Variants in FBXW7 observed in about 807,000 individuals in gnomAD.
FBXW7 encodes the protein F-box and WD repeat domain containing 7.
Under a neutral mutation model 86.3 loss-of-function variants are expected in FBXW7, and 11 were observed. That is an observed-to-expected ratio of 0.13 (90% CI 0.08 to 0.21). FBXW7 has a LOEUF of 0.21. Ranked by LOEUF, FBXW7 falls within the 10% of genes least tolerant of loss-of-function variation. FBXW7 has a pLI of 1.00. For missense variants in FBXW7, 488 were observed against 847.4 expected (o/e 0.58, Z 5.27); for synonymous variants, 313 against 297.9 (o/e 1.05, Z -0.52).
chr4:152,405,095 TAAAAAAAAAAA>T (rs11394424), intron 4 of FBXW7, among the ~76,000 whole-genome samples: 4 of 79,052 alleles, frequency 5.1e-5, no homozygotes, highest in Admixed American at 1.7e-4. Context: ...GACCTTGTCT[TAAAAAAAAAAA>T]AAAAAAAAAA....
At chr4:152,416,428 A>G (rs1240952823) in intron 2 of FBXW7, among the ~76,000 whole-genome samples, 1 of 152,192 alleles carries the variant, frequency 6.6e-6, no homozygotes, top group Admixed American at 6.6e-5. Flanking sequence ...TTCCCTCTGT[A>G]TCAAATTTCT....
chr4:152,429,023 C>T (rs1261519556), intron 2 of FBXW7, among the ~76,000 whole-genome samples: 1 of 152,072 alleles, frequency 6.6e-6, no homozygotes, highest in Non-Finnish European at 1.5e-5. Context: ...AACTCCGTCT[C>T]TACTAAAAAT....
At position 152,407,702 on chromosome 4, in the gene FBXW7, A is replaced by C. The variant is rs1455662086; in HGVS notation, c.501+3601T>G. Among the ~76,000 whole-genome samples the C allele has an allele frequency of 2.6e-5, 4 of 152,254 alleles. No homozygotes were observed. In the East Asian group the frequency reaches 7.7e-4, roughly 29 times the overall value. The stretch of plus-strand genomic sequence containing the variant: ...GTCTTACGCCTCTAAACTCCAATAC[A>C]CTAGATGCTTCTCCACACCTCCCCC... On this transcript the variant is annotated intron_variant, in intron 4 of 13. Transcript: ENST00000281708.
chr4:152,339,968 A>C (rs1382984779), intron 6 of FBXW7, among the ~76,000 whole-genome samples: 2 of 149,238 alleles, frequency 1.3e-5, no homozygotes, highest in Non-Finnish European at 3.0e-5. Context: ...CATATCTTTT[A>C]TCAAGGCTTT....
intron 4 of FBXW7, 142 bp downstream of exon 4, chr4:152,411,161 G>C: frequency 8.2e-7 from 1 of 1,220,838 alleles, no homozygotes; most frequent in South Asian, 2.2e-5. Flanking sequence ...ATTACCTTCT[G>C]TAAGACAAAA....
At chr4:152,482,032 C>G (rs1579317014) in intron 2 of FBXW7, among the ~76,000 whole-genome samples, 1 of 152,260 alleles carries the variant, frequency 6.6e-6, no homozygotes, top group East Asian at 1.9e-4. Flanking sequence ...TAAACAACAT[C>G]ACATTCTACA....
rs867786385 is a variant in FBXW7 at position 152,392,766 on chromosome 4, A to G, written c.501+18537T>C. Reference sequence around the variant, plus strand: ...TAATTTTACAATGTAACAGGAATGGAAAGGACAACAGGTGATTCAAAATGA... The same window carrying G: ...TAATTTTACAATGTAACAGGAATGGGAAGGACAACAGGTGATTCAAAATGA... On this transcript the variant is annotated intron_variant, in intron 4 of 13. Transcript: ENST00000281708. 2.0e-5 allele frequency among the ~76,000 whole-genome samples: 3 copies of G among 152,192 alleles called. No individual in the cohort carries two copies. In the South Asian group the frequency reaches 6.2e-4, roughly 32 times the overall value.
At chr4:152,340,492 T>C (rs1325227098) in intron 6 of FBXW7, among the ~76,000 whole-genome samples, 1 of 141,446 alleles carries the variant, frequency 7.1e-6, no homozygotes, top group African/African-American at 2.7e-5. Flanking sequence ...TGTAGGAGAA[T>C]GGCGTGAACC....
At chr4:152,419,304 A>C (rs1738728046) in intron 2 of FBXW7, among the ~76,000 whole-genome samples, 1 of 152,154 alleles carries the variant, frequency 6.6e-6, no homozygotes, top group Non-Finnish European at 1.5e-5. Flanking sequence ...AGTTTATAAA[A>C]TTTATAAAAA....
intron 2 of FBXW7, among the ~76,000 whole-genome samples, chr4:152,524,829 A>C (rs1749357239): frequency 6.6e-6 from 1 of 152,154 alleles, no homozygotes; most frequent in Admixed American, 6.5e-5. Flanking sequence ...CGCAGGGGGG[A>C]AAAATCCACC....
At chr4:152,365,643 AGTTG>A (rs1733409862) in intron 4 of FBXW7, among the ~76,000 whole-genome samples, 1 of 152,154 alleles carries the variant, frequency 6.6e-6, no homozygotes, top group Non-Finnish European at 1.5e-5. Flanking sequence ...GGACTGGGTT[AGTTG>A]GTTGTTTTTT....
chr4:152,395,646 G>C (rs1736361169), intron 4 of FBXW7, among the ~76,000 whole-genome samples: 1 of 152,024 alleles, frequency 6.6e-6, no homozygotes, highest in African/African-American at 2.4e-5. Context: ...CACTTAAAGT[G>C]CTATGCATAT....
At position 152,321,827 on chromosome 4, in the gene FBXW7, T is replaced by C; in HGVS notation, c.*1054A>G. 1 of 232,862 alleles carries C rather than the reference T, an allele frequency of 4.3e-6. No individual in the cohort carries two copies. The highest frequency in any genetic ancestry group is 8.5e-6 in the Non-Finnish European group (1 of 117,512). 14.4% of individuals were successfully genotyped at this position (232,862 alleles called of 1,614,324 possible). ...AGTAATAGCTCTGTTCCAAGGAATG[T>C]GTTTTAATTTTTGCCCAGATAAAAG... On this transcript the variant is annotated 3_prime_UTR_variant, in exon 14 of 14. Coordinates refer to ENST00000281708, the MANE Select transcript of FBXW7 (RefSeq NM_001349798.2).
intron 4 of FBXW7, chr4:152,353,073 C>A: frequency 3.1e-6 from 3 of 980,306 alleles, no homozygotes; most frequent in Non-Finnish European, 3.8e-6. Context: ...GTAAAACCTG[C>A]ATTTTTGAAG....
intron 2 of FBXW7, among the ~76,000 whole-genome samples, chr4:152,416,093 T>C (rs182457831): frequency 6.6e-6 from 1 of 152,110 alleles, no homozygotes; most frequent in Non-Finnish European, 1.5e-5. Context: ...GAATTTAAGT[T>C]CTATAAGGAA....
chr4:152,398,409 A>C (rs955499442), intron 4 of FBXW7, among the ~76,000 whole-genome samples: 2 of 151,856 alleles, frequency 1.3e-5, no homozygotes, highest in African/African-American at 4.8e-5. Context: ...CAAAAACCTA[A>C]ATATTTTATA....
chr4:152,379,903 G>A (rs1734905078), intron 4 of FBXW7, among the ~76,000 whole-genome samples: 1 of 152,034 alleles, frequency 6.6e-6, no homozygotes, highest in South Asian at 2.1e-4. Flanking sequence ...AGTTATTACT[G>A]CTACCTTAAA....
intron 4 of FBXW7, among the ~76,000 whole-genome samples, chr4:152,410,132 C>T (rs1018187724): frequency 2.6e-5 from 4 of 152,036 alleles, no homozygotes; most frequent in East Asian, 1.9e-4. Flanking sequence ...TGCATTGTTC[C>T]GCAAGGCTTA....
In FBXW7 at chr4:152,348,918, A is replaced by G. The variant is rs530734293; in HGVS notation, c.584+1124T>C. 4 of 157,948 alleles carry G rather than the reference A, an allele frequency of 2.5e-5. No homozygotes were observed. In the South Asian group the frequency reaches 6.9e-4, roughly 27 times the overall value. The allele number at this position is 157,948 out of a possible 1,614,324, so 9.8% of individuals were successfully genotyped here. ...AGTAACAGGAAGGGGGACAGTTAAC[A>G]TAAGAAAAATCACACCGAAAAGCAG... On this transcript the variant is annotated intron_variant, in intron 5 of 13. Coordinates refer to ENST00000281708, the MANE Select transcript of FBXW7 (RefSeq NM_001349798.2).
Sources: gnomAD v4.1 joint callset for allele counts (sites outside exome capture counted in the v4.1 genomes callset) on GRCh38, gnomAD v4.1.1 for gene constraint, MANE v1.5 for transcripts, NCBI Gene and HGNC (gene_info 2026-07-23, HGNC 2026-07-21) for gene names.